Variants in OSTF1 observed in about 807,000 individuals in gnomAD.
OSTF1 encodes osteoclast-stimulating factor 1.
In OSTF1, 27 loss-of-function variants were observed where a neutral mutation model predicts 37.2. The ratio of observed to expected loss-of-function variants is 0.73; its 90% confidence interval spans 0.54 to 1.00. The LOEUF (loss-of-function observed/expected upper bound fraction) is 1.00. Ranked by LOEUF, OSTF1 falls within the 50% of genes least tolerant of loss-of-function variation. The pLI, the probability that OSTF1 is intolerant of heterozygous loss-of-function variation, is 0.00. For missense variants in OSTF1, 232 were observed against 253.8 expected, an observed-to-expected ratio of 0.91 and a Z score of 0.58; for synonymous variants, 82 against 89.2, an observed-to-expected ratio of 0.92 and a Z score of 0.46.
chr9:75,134,197 G>C (rs1825808763), intron 6 of OSTF1, 149 bp from the exon 7 acceptor site: 1 of 505,876 alleles, frequency 2.0e-6, no homozygotes, highest in African/African-American at 2.0e-5. Flanking sequence ...AGATTCTTAA[G>C]TTTTTCTATT....
intron 1 of OSTF1, among the ~76,000 whole-genome samples, chr9:75,114,358 A>G (rs1199227835): frequency 6.6e-6 from 1 of 152,154 alleles, no homozygotes; most frequent in East Asian, 1.9e-4. Flanking sequence ...TGATGTTCTA[A>G]ACCTGCAACA....
intron 1 of OSTF1, among the ~76,000 whole-genome samples, chr9:75,113,774 G>C (rs1300348536): frequency 6.6e-6 from 1 of 152,160 alleles, no homozygotes; most frequent in Non-Finnish European, 1.5e-5. Context: ...ATTAACATGT[G>C]TTACCTTACA....
intron 2 of OSTF1, among the ~76,000 whole-genome samples, chr9:75,126,687 G>A (rs756180543): frequency 2.0e-5 from 3 of 152,040 alleles, no homozygotes; most frequent in Admixed American, 6.6e-5. Context: ...TCTGCCTCCC[G>A]GGTTCAAGAA....
At chr9:75,130,760 A>G in intron 4 of OSTF1, 119 bp downstream of exon 4, 1 of 684,128 alleles carries the variant, frequency 1.5e-6, no homozygotes, top group East Asian at 2.7e-5. Context: ...AGTCTAGGAC[A>G]TTTTCTATTC....
intron 9 of OSTF1, among the ~76,000 whole-genome samples, chr9:75,143,221 T>C (rs1825970633): frequency 6.6e-6 from 1 of 152,168 alleles, no homozygotes; most frequent in African/African-American, 2.4e-5. Flanking sequence ...TTGTCTACTT[T>C]TAGAAGCACA....
chr9:75,133,622 A>G (rs1587471593), intron 6 of OSTF1, among the ~76,000 whole-genome samples: 1 of 152,122 alleles, frequency 6.6e-6, no homozygotes, highest in Admixed American at 6.5e-5. Context: ...GAAAGACTGG[A>G]CACTTCCTTT....
At chr9:75,088,882 C>T (rs1019634937) in intron 1 of OSTF1, 156 bp downstream of exon 1, 1 of 677,674 alleles carries the variant, frequency 1.5e-6, no homozygotes, top group East Asian at 2.7e-5. Flanking sequence ...GTTTTGCGTT[C>T]GCTGTTACGG....
intron 2 of OSTF1, among the ~76,000 whole-genome samples, chr9:75,121,178 G>T (rs1348618248): frequency 6.6e-6 from 1 of 152,186 alleles, no homozygotes; most frequent in African/African-American, 2.4e-5. Context: ...CCAGGTTTTA[G>T]TGAGAATTAA....
intron 1 of OSTF1, among the ~76,000 whole-genome samples, chr9:75,114,241 A>C (rs546060970): frequency 5.3e-5 from 8 of 152,238 alleles, no homozygotes; most frequent in African/African-American, 1.9e-4. Context: ...TATGTTGGCT[A>C]TTGTGAATAA....
chr9:75,097,570 G>A (rs1057299423), intron 1 of OSTF1, among the ~76,000 whole-genome samples: 1 of 152,026 alleles, frequency 6.6e-6, no homozygotes, highest in African/African-American at 2.4e-5. Flanking sequence ...GGCCATTCAT[G>A]AACAACCACA....
chr9:75,122,072 C>CT (rs1284558465), intron 2 of OSTF1, among the ~76,000 whole-genome samples: 2 of 152,176 alleles, frequency 1.3e-5, no homozygotes, highest in Admixed American at 6.5e-5. Context: ...CCATTTGGTT[C>CT]TTTTTTCTCA....
intron 8 of OSTF1, 128 bp from the exon 9 acceptor site, chr9:75,140,706 C>T (rs568019462): frequency 2.5e-5 from 15 of 600,652 alleles, no homozygotes; most frequent in Admixed American, 2.0e-4. Context: ...GTTTTGAGAA[C>T]GTTTACTTCT....
chr9:75,125,395 A>G (rs1825645983), intron 2 of OSTF1, among the ~76,000 whole-genome samples: 2 of 152,250 alleles, frequency 1.3e-5, no homozygotes, highest in African/African-American at 4.8e-5. Context: ...TTGATCGATC[A>G]TCAGAACATT....
chr9:75,122,268 C>A (rs1825592726), intron 2 of OSTF1, among the ~76,000 whole-genome samples: 1 of 152,128 alleles, frequency 6.6e-6, no homozygotes, highest in Admixed American at 6.5e-5. Context: ...TTAATAGAGC[C>A]ACGTGTAGAG....
In OSTF1 at chr9:75,105,169, G is replaced by C. The variant is rs1166711634; in HGVS notation, c.35-12335G>C. ...AACCAGTCATTTCATATGGGAGGAA[G>C]TCATGACCCAGATTGGTTTTGGGGT... On this transcript the variant is annotated intron_variant, in intron 1 of 9. Coordinates refer to ENST00000346234, the MANE Select transcript of OSTF1 (RefSeq NM_012383.5). 2.6e-5 allele frequency among the ~76,000 whole-genome samples: 4 copies of C among 152,194 alleles called. No individual in the cohort carries two copies. The East Asian group carries it at 7.7e-4, about 29-fold the overall frequency.
chr9:75,100,933 C>T (rs1269668277), intron 1 of OSTF1, among the ~76,000 whole-genome samples: 28 of 152,198 alleles, frequency 1.8e-4, no homozygotes, highest in Admixed American at 1.8e-3. Flanking sequence ...CACAGCTTTT[C>T]ACTTCCTGGC....
intron 7 of OSTF1, among the ~76,000 whole-genome samples, 185 bp from the exon 8 acceptor site, chr9:75,137,353 A>G (rs1056550321): frequency 2.0e-5 from 3 of 152,080 alleles, no homozygotes; most frequent in Admixed American, 6.6e-5. Context: ...CCATCTCCCA[A>G]AAATGACTCC....
intron 4 of OSTF1, among the ~76,000 whole-genome samples, chr9:75,131,290 T>G (rs1463860028): frequency 6.6e-6 from 1 of 152,236 alleles, no homozygotes; most frequent in African/African-American, 2.4e-5. Context: ...CTATGCTGAT[T>G]GTTCTTTCTG....
chr9:75,106,029 T>A (rs1457906075), intron 1 of OSTF1, among the ~76,000 whole-genome samples: 1 of 152,242 alleles, frequency 6.6e-6, no homozygotes, highest in African/African-American at 2.4e-5. Flanking sequence ...AAGAGTCCGC[T>A]ATTCCTGCAG....
Sources: gnomAD v4.1 joint callset for allele counts (sites outside exome capture counted in the v4.1 genomes callset) on GRCh38, gnomAD v4.1.1 for gene constraint, MANE v1.5 for transcripts, NCBI Gene and HGNC (gene_info 2026-07-23, HGNC 2026-07-21) for gene names.